The following KIF22 variants were observed in gnomAD, a reference collection of about 807,000 sequenced individuals.
KIF22 encodes kinesin-like protein KIF22.
Under a neutral mutation model 73.0 loss-of-function variants are expected in KIF22, and 62 were observed. The observed-to-expected ratio is 0.85, with a 90% confidence interval of 0.69 to 1.05. KIF22 has a LOEUF of 1.05. Among genes scored for constraint, KIF22 ranks in the 50% least tolerant of loss-of-function variants. KIF22 has a pLI of 0.00. For missense variants in KIF22, 854 were observed against 870.1 expected, an observed-to-expected ratio of 0.98 and a Z score of 0.23; for synonymous variants, 411 against 340.1, an observed-to-expected ratio of 1.21 and a Z score of -2.29.
chr16:29,804,785 CGT>C, intron 11 of KIF22, 27 bp from the exon 12 acceptor site: 1 of 1,554,922 alleles, frequency 6.4e-7, no homozygotes, highest in South Asian at 1.2e-5. Flanking sequence ...GGCTGCCCTG[CGT>C]GTCACTCATC....
In KIF22 at chr16:29,805,339, A is replaced by T. The variant is rs1054794276; in HGVS notation, c.*29A>T. On this transcript the variant is annotated 3_prime_UTR_variant, in exon 14 of 14. Transcript: ENST00000160827. Reference sequence around the variant, plus strand: ...TCGTCTCCTCACTCCGCCTTTTCAAATTTTTGTATAACCCCGTGTTGTGTA... The same window carrying T: ...TCGTCTCCTCACTCCGCCTTTTCAATTTTTTGTATAACCCCGTGTTGTGTA... 2 of 1,606,346 alleles carry T rather than the reference A, an allele frequency of 1.2e-6. No homozygotes were observed. Among genetic ancestry groups the T allele is most frequent in the Non-Finnish European group, 1.7e-6 (2 of 1,177,150 alleles).
In KIF22 at chr16:29,798,070, T is replaced by C. The variant is rs1898997477; in HGVS notation, c.267-304T>C. 6.6e-6 allele frequency among the ~76,000 whole-genome samples: 1 copy of C among 152,194 alleles called. No homozygotes were observed. The highest frequency in any genetic ancestry group is 2.4e-5 in the African/African-American group (1 of 41,452). ...TTACTCCTTTGAGAGTGTGTTCTTA[T>C]CTTCGTTTCCTAAATCACAGCAAAG... On this transcript the variant is annotated intron_variant, in intron 2 of 13. Transcript: ENST00000160827. This position sits in a 1 kb window ranked among gnomAD's most constrained non-coding sequence, Gnocchi z 4.1.
chr16:29,798,290 CA>C lies in KIF22; in HGVS notation c.267-83del. On this transcript the variant is annotated intron_variant, in intron 2 of 13. Transcript: ENST00000160827. The surrounding 1 kb of genome is among the most constrained non-coding windows in gnomAD (Gnocchi z 4.1). ...CCAGATGAGAGTAGAATCCCTTACC[CA>C]CCCCCACCCCACTCCACCCCTTACA... 2.0e-5 allele frequency: 26 copies of C among 1,285,066 alleles called. No homozygotes were observed. Among genetic ancestry groups the C allele is most frequent in the Non-Finnish European group, 2.5e-5 (24 of 946,304 alleles). The allele number at this position is 1,285,066 out of a possible 1,614,324, so 79.6% of individuals were successfully genotyped here.
intron 8 of KIF22, among the ~76,000 whole-genome samples, chr16:29,802,346 T>C (rs1899171299): frequency 6.6e-6 from 1 of 150,906 alleles, no homozygotes; most frequent in Non-Finnish European, 1.5e-5. Context: ...GAACAGGCCT[T>C]CCCAGCTGCC....
rs1898969204 is a variant in KIF22 at position 29,796,984 on chromosome 16, G to T, written c.162G>T (p.Val54=). The T allele has an allele frequency of 6.2e-7, 1 of 1,614,108 alleles. No homozygotes were observed. The highest frequency in any genetic ancestry group is 1.7e-5 in the Admixed American group (1 of 60,022). ...TGGCTGTGCGACTGCGGCCATTTGT[G>T]GATGGAACAGCGGGAGCAAGTGATC... ...VRVAVRLRPF[V]DGTAGASDPP... Residue 54 remains valine, a synonymous_variant, in exon 2 of 14, where the codon GTG becomes GTT. Coordinates refer to ENST00000160827, the MANE Select transcript of KIF22 (RefSeq NM_007317.3).
intron 9 of KIF22, 87 bp downstream of exon 9, chr16:29,803,024 C>A: frequency 7.3e-7 from 1 of 1,375,634 alleles, no homozygotes; most frequent in Non-Finnish European, 1.0e-6. Context: ...GACACTCAGG[C>A]TGGACTAGAG....
intron 9 of KIF22, 58 bp from the exon 10 acceptor site, chr16:29,803,391 C>T: frequency 6.2e-7 from 1 of 1,600,510 alleles, no homozygotes; most frequent in Admixed American, 1.7e-5. Flanking sequence ...GTAACCCACT[C>T]CCTTCAGGCT....
chr16:29,799,458 A>T lies in KIF22; in HGVS notation c.954A>T (p.Val318=), dbSNP rs1899055283. 6.2e-7 allele frequency: 1 copy of T among 1,613,988 alleles called. No homozygotes were observed. Among genetic ancestry groups the T allele is most frequent in the Admixed American group, 1.7e-5 (1 of 60,000 alleles). ...VDALNQGLPR[V]PYRDSKLTRL... ...CGCTGAATCAGGGCCTCCCTCGTGT[A>T]CCTTATCGGGACAGCAAGCTCACTC... Residue 318 remains valine, a synonymous_variant, in exon 6 of 14, where the codon GTA becomes GTT. Coordinates refer to ENST00000160827, the MANE Select transcript of KIF22 (RefSeq NM_007317.3).
At chr16:29,802,667 G>A in intron 8 of KIF22, 102 bp from the exon 9 acceptor site, 5 of 1,122,156 alleles carry the variant, frequency 4.5e-6, no homozygotes, top group Non-Finnish European at 6.2e-6. Flanking sequence ...AGGTTCTGGA[G>A]CTACAGGATA....
chr16:29,804,788 G>A (rs1286944517), intron 11 of KIF22, 26 bp from the exon 12 acceptor site: 1 of 1,567,372 alleles, frequency 6.4e-7, no homozygotes, highest in East Asian at 2.3e-5. Context: ...TGCCCTGCGT[G>A]TCACTCATCT....
intron 1 of KIF22, among the ~76,000 whole-genome samples, chr16:29,793,054 C>G (rs1013431003): frequency 6.6e-6 from 1 of 152,172 alleles, no homozygotes; most frequent in Non-Finnish European, 1.5e-5. Context: ...GAGTTAAAGA[C>G]TCCCACTTTT....
Position 29,790,817 on chromosome 16 carries a change from G to T in KIF22, c.58G>T (p.Ala20Ser). 1 of 1,602,544 alleles carries T rather than the reference G, an allele frequency of 6.2e-7. No homozygotes were observed. Among genetic ancestry groups the T allele is most frequent in the East Asian group, 2.2e-5 (1 of 44,508 alleles). ...RRREMAAASA[A>S]AISGAGRCRL... ...ACGCGAGATGGCGGCAGCTTCAGCG[G>T]CGGCGATCTCAGGTACTTGAGCCCG... Residue 20 changes from alanine (A) to serine (S), a missense_variant, in exon 1 of 14, where the codon GCG (alanine) becomes TCG (serine). Ala to Ser is a moderately conservative substitution (Grantham distance 99). This residue lies in a region of KIF22 where 186 missense variants were observed against 152.9 expected (regional missense o/e 1.22). Transcript: ENST00000160827.
intron 6 of KIF22, 27 bp from the exon 7 acceptor site, chr16:29,799,601 C>A: frequency 6.2e-7 from 1 of 1,613,552 alleles, no homozygotes; most frequent in African/African-American, 1.3e-5. Context: ...GGCTTCTGAC[C>A]CACCCACTGC....
Position 29,798,410 on chromosome 16 carries a change from G to A in KIF22, c.303G>A (p.Gln101=). 2 of 1,597,540 alleles carry A rather than the reference G, an allele frequency of 1.3e-6. No individual in the cohort carries two copies. Among genetic ancestry groups the A allele is most frequent in the East Asian group, 2.3e-5 (1 of 43,570 alleles). The change falls in exon 3 of 14, where the codon CAG becomes CAA. Residue 101 remains glutamine, a synonymous_variant. Transcript: ENST00000160827. This position sits in a 1 kb window ranked among gnomAD's most constrained non-coding sequence, Gnocchi z 4.1. ...DAFYGERSTQ[Q]DIYAGSVQPI... ...TCTATGGGGAGAGGAGTACTCAGCA[G>A]GACATCTATGCAGGTTCAGTGCAGC... is the stretch of plus-strand genomic sequence containing the variant.
At chr16:29,793,239 G>A (rs1258357210) in intron 1 of KIF22, among the ~76,000 whole-genome samples, 2 of 152,138 alleles carry the variant, frequency 1.3e-5, no homozygotes, top group Non-Finnish European at 2.9e-5. Flanking sequence ...TCAAGAGATC[G>A]AGACCATCTT....
chr16:29,791,835 C>T (rs1440717396), intron 1 of KIF22, among the ~76,000 whole-genome samples: 1 of 152,168 alleles, frequency 6.6e-6, no homozygotes, highest in Admixed American at 6.5e-5. Flanking sequence ...ACATGTTATC[C>T]CTGCTGGCTG....
chr16:29,804,589 A>G, intron 11 of KIF22: 1 of 692,322 alleles, frequency 1.4e-6, no homozygotes, highest in Non-Finnish European at 2.6e-6. Context: ...CTCCATGAGA[A>G]GGGTGCTAAT....
chr16:29,804,314 C>T (rs1899260964), intron 11 of KIF22: 1 of 603,956 alleles, frequency 1.7e-6, no homozygotes, highest in African/African-American at 1.9e-5. Flanking sequence ...GGCTTCTACC[C>T]TCTACAAGCT....
chr16:29,804,608 T>G (rs976387606), intron 11 of KIF22: 3 of 696,456 alleles, frequency 4.3e-6, no homozygotes, highest in African/African-American at 3.5e-5. Context: ...ATATTACCAC[T>G]GGGTACTGAG....
Sources: gnomAD v4.1 joint callset for allele counts (sites outside exome capture counted in the v4.1 genomes callset) on GRCh38, gnomAD v4.1.1 for gene constraint, gnomAD v4.1.1 regional missense constraint, Gnocchi (gnomAD v3.1) non-coding constraint, MANE v1.5 for transcripts, NCBI Gene and HGNC (gene_info 2026-07-23, HGNC 2026-07-21) for gene names.